The following SNTG1 variants were observed in gnomAD, a reference collection of about 807,000 sequenced individuals.
SNTG1 encodes the protein gamma-1-syntrophin.
A neutral mutation model predicts 74.7 loss-of-function variants in SNTG1; 39 were observed. The observed-to-expected ratio is 0.52, with a 90% CI of 0.40 to 0.68. SNTG1 has a LOEUF of 0.68. SNTG1 is among the 30% of genes least tolerant of loss of function. The probability of loss-of-function intolerance (pLI) is 0.00; values close to 1 mark genes in which losing one functional copy is unlikely to be tolerated. For missense variants in SNTG1, 685 were observed against 609.5 expected, an observed-to-expected ratio of 1.12 and a Z score of -1.30; for synonymous variants, 254 against 217.1, an observed-to-expected ratio of 1.17 and a Z score of -1.49.
rs546720205 is a variant in SNTG1 at position 50,084,125 on chromosome 8, G to A, written c.-102-88436G>A. Among the ~76,000 whole-genome samples, 53 of 152,268 alleles carry A rather than the reference G, an allele frequency of 3.5e-4. 1 individual carries two copies. In the South Asian group the frequency reaches 6.8e-3, roughly 20 times the overall value. The stretch of plus-strand genomic sequence containing the variant: ...TCACACTAAGTGGTTCATGTCGGGG[G>A]AAATGTTGTGCTAAATAGTGTATGC... On this transcript the variant is annotated intron_variant, in intron 1 of 18. Transcript: ENST00000642720.
At chr8:50,521,345 C>T (rs2094177936) in intron 9 of SNTG1, among the ~76,000 whole-genome samples, 1 of 152,126 alleles carries the variant, frequency 6.6e-6, no homozygotes, top group African/African-American at 2.4e-5. Context: ...TGCAGCAAAC[C>T]ACCATGGCAT....
intron 1 of SNTG1, among the ~76,000 whole-genome samples, chr8:49,964,252 A>T (rs772620842): frequency 6.6e-5 from 10 of 152,232 alleles, no homozygotes; most frequent in Non-Finnish European, 1.2e-4. Flanking sequence ...GAAGGATAAG[A>T]CTGGCTCCCC....
chr8:50,115,492 C>G (rs527396270), intron 1 of SNTG1, among the ~76,000 whole-genome samples: 1 of 145,742 alleles, frequency 6.9e-6, no homozygotes, highest in African/African-American at 2.5e-5. Context: ...TGGAGGAACC[C>G]TGGAGGCAGA....
At chr8:50,539,388 C>T (rs1256872900) in intron 11 of SNTG1, among the ~76,000 whole-genome samples, 1 of 152,136 alleles carries the variant, frequency 6.6e-6, no homozygotes, top group Non-Finnish European at 1.5e-5. Context: ...AAGTTTCCTA[C>T]TGCACCATGC....
At chr8:50,394,624 T>C (rs1343078612) in intron 3 of SNTG1, among the ~76,000 whole-genome samples, 1 of 152,192 alleles carries the variant, frequency 6.6e-6, no homozygotes, top group African/African-American at 2.4e-5. Flanking sequence ...TAAAATTCTA[T>C]GATTTTATGA....
chr8:50,574,322 A>T (rs758830919), intron 12 of SNTG1, among the ~76,000 whole-genome samples: 3 of 152,152 alleles, frequency 2.0e-5, no homozygotes, highest in Non-Finnish European at 2.9e-5. Flanking sequence ...GAAAGAGTAC[A>T]TCTATATTTA....
chr8:50,008,105 C>G (rs1317727198), intron 1 of SNTG1, among the ~76,000 whole-genome samples: 1 of 151,922 alleles, frequency 6.6e-6, no homozygotes, highest in Non-Finnish European at 1.5e-5. Flanking sequence ...AGTGGGGACA[C>G]AGAGCCAAAT....
intron 1 of SNTG1, among the ~76,000 whole-genome samples, chr8:50,016,421 G>A (rs1166090395): frequency 6.6e-6 from 1 of 152,084 alleles, no homozygotes; most frequent in Non-Finnish European, 1.5e-5. Flanking sequence ...AGTGGTCAAC[G>A]TTGAGTTCCT....
rs147887193 is a variant in SNTG1, at chr8:50,627,944, C to G, written c.850-28965C>G. 8.4e-3 allele frequency among the ~76,000 whole-genome samples: 1,281 copies of G among 152,186 alleles called. 22 individuals carry two copies. Among genetic ancestry groups the G allele is most frequent in the Middle Eastern group, 0.024 (7 of 294 alleles). Reference sequence around the variant, plus strand: ...GATTACATTATTGGCCATTAATGATCAACCCAACCTTCAGCCCCTCTCTCC... The same window carrying G: ...GATTACATTATTGGCCATTAATGATGAACCCAACCTTCAGCCCCTCTCTCC... On this transcript the variant is annotated intron_variant, in intron 13 of 18. Transcript: ENST00000642720.
intron 13 of SNTG1, among the ~76,000 whole-genome samples, chr8:50,654,189 T>G (rs717509): frequency 0.51 from 77,220 of 151,998 alleles, 21,858 homozygotes; most frequent in East Asian, 0.66. Context: ...CTTTCTTAGC[T>G]GTGCTTGGGT....
At chr8:50,379,200 G>C (rs748662655) in intron 2 of SNTG1, among the ~76,000 whole-genome samples, 87 of 152,332 alleles carry the variant, frequency 5.7e-4, no homozygotes, top group Non-Finnish European at 1.0e-3. Flanking sequence ...TTGAGCATGT[G>C]AACAGCTGGG....
intron 13 of SNTG1, among the ~76,000 whole-genome samples, chr8:50,631,263 C>T (rs113825765): frequency 1.3e-5 from 2 of 152,098 alleles, no homozygotes; most frequent in African/African-American, 4.8e-5. Flanking sequence ...TATAAGCACA[C>T]ACAGAAATCT....
intron 17 of SNTG1, among the ~76,000 whole-genome samples, chr8:50,735,503 A>C (rs1269491937): frequency 6.6e-6 from 1 of 151,880 alleles, no homozygotes; most frequent in African/African-American, 2.4e-5. Flanking sequence ...CAAATCGATC[A>C]ATCAGAAGAA....
intron 1 of SNTG1, among the ~76,000 whole-genome samples, chr8:50,097,547 G>A (rs2079972427): frequency 3.9e-5 from 6 of 152,050 alleles, no homozygotes; most frequent in Non-Finnish European, 8.8e-5. Flanking sequence ...AGCTACTCGG[G>A]AGGCTGAGGC....
chr8:50,311,622 C>A (rs937502155), intron 2 of SNTG1, among the ~76,000 whole-genome samples: 2 of 152,222 alleles, frequency 1.3e-5, no homozygotes, highest in East Asian at 3.9e-4. Flanking sequence ...CCTTGAAATT[C>A]TGAAAATATA....
chr8:50,375,676 G>C (rs1264219691), intron 2 of SNTG1, among the ~76,000 whole-genome samples: 1 of 152,124 alleles, frequency 6.6e-6, no homozygotes, highest in Non-Finnish European at 1.5e-5. Context: ...CTGATAATAC[G>C]ATGAACATTT....
intron 8 of SNTG1, among the ~76,000 whole-genome samples, chr8:50,483,337 AAGGC>A (rs756120521): frequency 4.6e-5 from 7 of 152,122 alleles, no homozygotes; most frequent in Non-Finnish European, 7.4e-5. Context: ...AGCAACATAT[AAGGC>A]AGACAATTTT....
chr8:50,053,623 T>TTGTGTGTGTGTGTGTG (rs60947505), intron 1 of SNTG1, among the ~76,000 whole-genome samples: 5,440 of 134,298 alleles, frequency 0.041, 346 homozygotes, highest in African/African-American at 0.13. Flanking sequence ...ATATATATAA[T>TTGTGTGTGTGTGTGTG]TGTGTGTGTG....
intron 8 of SNTG1, among the ~76,000 whole-genome samples, chr8:50,460,989 A>G (rs931910129): frequency 1.3e-5 from 2 of 152,018 alleles, no homozygotes; most frequent in Non-Finnish European, 2.9e-5. Flanking sequence ...ATTAGTTTTT[A>G]CCTAATGGCT....
Sources: gnomAD v4.1 joint callset for allele counts (sites outside exome capture counted in the v4.1 genomes callset) on GRCh38, gnomAD v4.1.1 for gene constraint, MANE v1.5 for transcripts, NCBI Gene and HGNC (gene_info 2026-07-23, HGNC 2026-07-21) for gene names.